Variants in SEPTIN14 observed in about 807,000 individuals in gnomAD.
SEPTIN14 encodes septin-14.
A neutral mutation model predicts 53.6 loss-of-function variants in SEPTIN14; 40 were observed. That is an observed-to-expected ratio of 0.75 (90% CI 0.58 to 0.97). SEPTIN14 has a LOEUF of 0.97. Among genes scored for constraint, SEPTIN14 ranks in the 50% least tolerant of loss-of-function variants. The probability of loss-of-function intolerance (pLI) is 0.00; values close to 1 mark genes in which losing one functional copy is unlikely to be tolerated. For missense variants in SEPTIN14, 471 were observed against 508.2 expected, an observed-to-expected ratio of 0.93 and a Z score of 0.70; for synonymous variants, 138 against 166.8, an observed-to-expected ratio of 0.83 and a Z score of 1.33.
At chr7:55,834,328 A>C in intron 6 of SEPTIN14, 97 bp downstream of exon 6, 1 of 793,480 alleles carries the variant, frequency 1.3e-6, no homozygotes, top group South Asian at 2.3e-5. Context: ...TTCTCAGCAG[A>C]AGCTTTACAA....
At position 55,793,914 on chromosome 7, in the gene SEPTIN14, C is replaced by T. The variant is rs1039302815; in HGVS notation, c.*1999G>A. On this transcript the variant is annotated 3_prime_UTR_variant, in exon 10 of 10. Coordinates refer to ENST00000388975, the MANE Select transcript of SEPTIN14 (RefSeq NM_207366.3). ...ATGACTGGCAAAAATCAGTAACTGA[C>T]GTATTAAAACTTTCCATGCTACATA... The T allele has an allele frequency of 5.9e-5, 9 of 151,900 alleles. No homozygotes were observed. Among genetic ancestry groups the T allele is most frequent in the Non-Finnish European group, 1.2e-4 (8 of 67,956 alleles). 9.4% of individuals were successfully genotyped at this position (151,900 alleles called of 1,614,324 possible).
intron 7 of SEPTIN14, among the ~76,000 whole-genome samples, chr7:55,813,981 G>A (rs1237324013): frequency 1.3e-5 from 2 of 152,170 alleles, no homozygotes; most frequent in Non-Finnish European, 2.9e-5. Flanking sequence ...AGCTGTGATG[G>A]CCACAGGAGT....
At chr7:55,799,800 C>G (rs1176548047) in intron 9 of SEPTIN14, among the ~76,000 whole-genome samples, 1 of 152,058 alleles carries the variant, frequency 6.6e-6, no homozygotes, top group African/African-American at 2.4e-5. Flanking sequence ...TAGGGGACTA[C>G]TGTATCCCAC....
intron 2 of SEPTIN14, among the ~76,000 whole-genome samples, chr7:55,855,813 A>G (rs1789614079): frequency 6.6e-6 from 1 of 151,948 alleles, no homozygotes; most frequent in Non-Finnish European, 1.5e-5. Flanking sequence ...CGCCCTCCCA[A>G]AGTGCTGGGA....
chr7:55,846,461 G>A (rs1789414468), intron 3 of SEPTIN14, 56 bp downstream of exon 3: 3 of 1,356,072 alleles, frequency 2.2e-6, no homozygotes. Context: ...AAGATAAGTT[G>A]AAATGAACAT....
In SEPTIN14 at chr7:55,819,124, T is replaced by TGGGCAA; in HGVS notation, c.817+2_817+3insTTGCCC. 2 of 1,550,598 alleles carry TGGGCAA rather than the reference T, an allele frequency of 1.3e-6. No individual in the cohort carries two copies. The highest frequency in any genetic ancestry group is 1.8e-6 in the Non-Finnish European group (2 of 1,137,530). Reference sequence around the variant, plus strand: ...TCCAAAGCCTGCCCTCTGTCATTTTTACCTTGCAAAACTCCCCAAGGGTAG... The same window carrying TGGGCAA: ...TCCAAAGCCTGCCCTCTGTCATTTTTGGGCAAACCTTGCAAAACTCCCCAAGGGTAG... On this transcript the variant is annotated splice_region_variant and intron_variant, in intron 7 of 9. Coordinates refer to ENST00000388975, the MANE Select transcript of SEPTIN14 (RefSeq NM_207366.3).
intron 2 of SEPTIN14, among the ~76,000 whole-genome samples, chr7:55,852,757 C>T (rs2116071428): frequency 6.6e-6 from 1 of 152,246 alleles, no homozygotes; most frequent in Non-Finnish European, 1.5e-5. Flanking sequence ...AGACAACCCA[C>T]TGAATGGGAG....
chr7:55,853,570 A>G (rs1016623717), intron 2 of SEPTIN14, among the ~76,000 whole-genome samples: 1 of 152,168 alleles, frequency 6.6e-6, no homozygotes, highest in Non-Finnish European at 1.5e-5. Context: ...AATGGGTACA[A>G]GGATATAGTT....
chr7:55,850,887 G>T (rs879073525), intron 2 of SEPTIN14: 2 of 151,782 alleles, frequency 1.3e-5, no homozygotes, highest in Non-Finnish European at 2.9e-5. Flanking sequence ...TCTGGCCAGC[G>T]TGGTGAAACC....
At chr7:55,830,370 G>A (rs1307962596) in intron 6 of SEPTIN14, among the ~76,000 whole-genome samples, 4 of 78,236 alleles carry the variant, frequency 5.1e-5, no homozygotes, top group African/African-American at 1.5e-4. Flanking sequence ...TTTTTGAGAC[G>A]GAGTCTCGCT....
intron 6 of SEPTIN14, among the ~76,000 whole-genome samples, chr7:55,823,569 C>T (rs1584259407): frequency 6.6e-6 from 1 of 152,300 alleles, no homozygotes; most frequent in South Asian, 2.1e-4. Flanking sequence ...ACTGTGCAAG[C>T]CAGAATGGGC....
In SEPTIN14 at chr7:55,807,184, C is replaced by T. The variant is rs1788623347; in HGVS notation, c.892G>A (p.Glu298Lys). ...LLCTNMENLKEKTHTQHYECY... is the reference protein window; with the variant it reads ...LLCTNMENLKKKTHTQHYECY... ...TCATAGTGCTGAGTGTGGGTTTTTT[C>T]TTTTAGATTTTCCATATTGGTACAA... The change falls in exon 8 of 10, where the codon GAA becomes AAA. Residue 298 changes from glutamate (E) to lysine (K), a missense_variant. Coordinates refer to ENST00000388975, the MANE Select transcript of SEPTIN14 (RefSeq NM_207366.3). 1 of 1,609,642 alleles carries T rather than the reference C, an allele frequency of 6.2e-7. No individual in the cohort carries two copies. Among genetic ancestry groups the T allele is most frequent in the Admixed American group, 1.7e-5 (1 of 59,116 alleles).
At position 55,844,557 on chromosome 7, in the gene SEPTIN14, C is replaced by G; in HGVS notation, c.337G>C (p.Val113Leu). ...TTGTCTATTTGATCACCATACCCTA[C>G]TGTCTCCACAACAGTCAATTTCAAC... ...VQLKLTVVET[V>L]GYGDQIDKEA... is the part of the protein sequence containing the mutation. Residue 113 changes from valine to leucine, a missense_variant, in exon 4 of 10, where the codon GTA (valine) becomes CTA (leucine). Val to Leu is a conservative substitution (Grantham distance 32, BLOSUM62 1). Coordinates refer to ENST00000388975, the MANE Select transcript of SEPTIN14 (RefSeq NM_207366.3). 1.3e-6 allele frequency: 2 copies of G among 1,592,864 alleles called. No homozygotes were observed. The highest frequency in any genetic ancestry group is 1.7e-6 in the Non-Finnish European group (2 of 1,166,262).
At chr7:55,796,866 T>A (rs1284321999) in intron 9 of SEPTIN14, among the ~76,000 whole-genome samples, 12 of 152,062 alleles carry the variant, frequency 7.9e-5, no homozygotes, top group Admixed American at 7.9e-4. Flanking sequence ...GGCTCACACC[T>A]GTAATCCCAG....
intron 4 of SEPTIN14, 69 bp downstream of exon 4, chr7:55,844,454 C>T (rs946092980): frequency 5.1e-6 from 4 of 778,476 alleles, no homozygotes; most frequent in Admixed American, 5.1e-5. Flanking sequence ...ACAAATTAGT[C>T]TATGGCAAAG....
Position 55,846,065 on chromosome 7 carries a change from GTATATATATATA to G in SEPTIN14, c.175+440_175+451del, listed in dbSNP as rs56306800. Among the ~76,000 whole-genome samples, 97 of 39,746 alleles carry G rather than the reference GTATATATATATA, an allele frequency of 2.4e-3. 3 individuals are homozygous for G. The highest frequency in any genetic ancestry group is 5.5e-3 in the African/African-American group (75 of 13,710). 26.1% of individuals were successfully genotyped at this position (39,746 alleles called of 152,430 possible). ...CTCCGTCTCAGAAAAAAAAAAAAAA[GTATATATATATA>G]TATATATATATATATGTATACATGC... On this transcript the variant is annotated intron_variant, in intron 3 of 9. Coordinates refer to ENST00000388975, the MANE Select transcript of SEPTIN14 (RefSeq NM_207366.3).
chr7:55,814,142 C>T (rs552115061), intron 7 of SEPTIN14, among the ~76,000 whole-genome samples: 5 of 152,296 alleles, frequency 3.3e-5, no homozygotes, highest in Non-Finnish European at 5.9e-5. Context: ...TGAGGCAGTA[C>T]GAGTCTGCTG....
intron 3 of SEPTIN14, 113 bp downstream of exon 3, chr7:55,846,404 A>T (rs1789413796): frequency 1.4e-6 from 1 of 731,368 alleles, no homozygotes; most frequent in Non-Finnish European, 2.2e-6. Flanking sequence ...GAATCACTGT[A>T]AACATGAAGA....
intron 9 of SEPTIN14, among the ~76,000 whole-genome samples, chr7:55,802,263 C>G (rs1295502625): frequency 6.6e-6 from 1 of 152,082 alleles, no homozygotes; most frequent in Non-Finnish European, 1.5e-5. Context: ...CCTCGGCCTC[C>G]CAGAGTGCTG....
Sources: gnomAD v4.1 joint callset for allele counts (sites outside exome capture counted in the v4.1 genomes callset) on GRCh38, gnomAD v4.1.1 for gene constraint, MANE v1.5 for transcripts, NCBI Gene and HGNC (gene_info 2026-07-23, HGNC 2026-07-21) for gene names.